CD276: variants seen among roughly 807,000 people sequenced by gnomAD.
CD276 encodes CD276 antigen.
In CD276, 34 loss-of-function variants were observed where a neutral mutation model predicts 50.0. That is an observed-to-expected ratio of 0.68 (90% CI 0.52 to 0.91). The LOEUF is 0.91. Among genes scored for constraint, CD276 ranks in the 40% least tolerant of loss-of-function variants. The pLI, the probability that CD276 is intolerant of heterozygous loss-of-function variation, is 0.00. For synonymous variants in CD276, 275 were observed against 313.0 expected (o/e 0.88, Z 1.28); for missense variants, 634 against 717.5 (o/e 0.88, Z 1.33).
intron 8 of CD276, 45 bp downstream of exon 8, chr15:73,709,734 A>G (rs1434242073): frequency 6.3e-7 from 1 of 1,588,956 alleles, no homozygotes; most frequent in South Asian, 1.1e-5. Context: ...GGAGAGGGAC[A>G]TATGGGAAAG....
chr15:73,685,873 T>C (rs1346365703), intron 1 of CD276, among the ~76,000 whole-genome samples: 1 of 152,118 alleles, frequency 6.6e-6, no homozygotes, highest in Non-Finnish European at 1.5e-5. Context: ...CAGGGCAGGA[T>C]GGAGGGCTAT....
At chr15:73,691,268 A>G (rs1270695912) in intron 1 of CD276, among the ~76,000 whole-genome samples, 5 of 151,862 alleles carry the variant, frequency 3.3e-5, no homozygotes, top group Admixed American at 6.6e-5. Flanking sequence ...TAGGCAGTCT[A>G]TGTGTGCAGC....
At position 73,708,328 on chromosome 15, in the gene CD276, T is replaced by C. The variant is rs1359495627; in HGVS notation, c.1370-11T>C. 3.7e-6 allele frequency: 6 copies of C among 1,613,392 alleles called. No individual in the cohort carries two copies. The highest frequency in any genetic ancestry group is 1.3e-5 in the African/African-American group (1 of 75,022). On this transcript the variant is annotated splice_polypyrimidine_tract_variant and intron_variant, in intron 6 of 9. Transcript: ENST00000318443. ...GCATGACAGTCTCACTGTTGCTACT[T>C]TTCCTCTCAGGGCAGCCTATGACAT...
chr15:73,700,169 G>T (rs546216848), intron 2 of CD276, among the ~76,000 whole-genome samples: 7 of 151,952 alleles, frequency 4.6e-5, no homozygotes, highest in African/African-American at 1.4e-4. Context: ...GCCTAGATTC[G>T]CCCCCACCTG....
At chr15:73,711,054 C>CA in intron 8 of CD276, 81 bp from the exon 9 acceptor site, 2 of 1,464,864 alleles carry the variant, frequency 1.4e-6, no homozygotes, top group Non-Finnish European at 1.9e-6. Context: ...TTCCAGCCCT[C>CA]ACTCCTCCCT....
chr15:73,689,988 G>T (rs1044804857), intron 1 of CD276, among the ~76,000 whole-genome samples: 2 of 152,166 alleles, frequency 1.3e-5, no homozygotes, highest in African/African-American at 4.8e-5. Flanking sequence ...AATTGCAAAA[G>T]AATTTACATG....
chr15:73,709,639 C>T lies in CD276; in HGVS notation c.1505-9C>T. 6.2e-7 allele frequency: 1 copy of T among 1,612,696 alleles called. No homozygotes were observed. The highest frequency in any genetic ancestry group is 2.2e-5 in the East Asian group (1 of 44,832). On this transcript the variant is annotated splice_polypyrimidine_tract_variant and intron_variant, in intron 7 of 9. Coordinates refer to ENST00000318443, the MANE Select transcript of CD276 (RefSeq NM_001024736.2). Reference sequence around the variant, plus strand: ...GATTTTTGTTTATTCTGAGTTCTTGCCTTTGCAGGAGCTGAGGACCAGGAT... The same window carrying T: ...GATTTTTGTTTATTCTGAGTTCTTGTCTTTGCAGGAGCTGAGGACCAGGAT...
rs1408368017 is a variant in CD276, at chr15:73,702,920, C to T, written c.567C>T (p.Asn189=). Residue 189 remains asparagine, a synonymous_variant, in exon 4 of 10, where the codon AAC becomes AAT. Coordinates refer to ENST00000318443, the MANE Select transcript of CD276 (RefSeq NM_001024736.2). ...GGCAGGGTGTGCCCCTGACTGGCAA[C>T]GTGACCACGTCGCAGATGGCCAACG... is the stretch of plus-strand genomic sequence containing the variant. ...QDGQGVPLTG[N]VTTSQMANEQ... is the part of the protein sequence containing the mutation. 2.7e-5 allele frequency: 44 copies of T among 1,613,992 alleles called. No individual in the cohort carries two copies. Among genetic ancestry groups the T allele is most frequent in the South Asian group, 5.5e-5 (5 of 91,092 alleles).
chr15:73,691,255 A>G (rs1899977593), intron 1 of CD276, among the ~76,000 whole-genome samples: 2 of 152,014 alleles, frequency 1.3e-5, no homozygotes, highest in African/African-American at 4.8e-5. Flanking sequence ...TTGTTTAAGT[A>G]CCTAGGCAGT....
chr15:73,703,237 T>G (rs1334032963), intron 4 of CD276, 151 bp downstream of exon 4: 3 of 1,005,928 alleles, frequency 3.0e-6, no homozygotes, highest in African/African-American at 3.2e-5. Flanking sequence ...GGTGGGGATG[T>G]TCACTGGAGG....
intron 1 of CD276, among the ~76,000 whole-genome samples, chr15:73,685,969 G>T (rs1021526919): frequency 6.6e-6 from 1 of 152,128 alleles, no homozygotes; most frequent in African/African-American, 2.4e-5. Flanking sequence ...TTGAGATTAA[G>T]CACTAACACT....
At chr15:73,689,635 T>C (rs1899913035) in intron 1 of CD276, among the ~76,000 whole-genome samples, 1 of 152,214 alleles carries the variant, frequency 6.6e-6, no homozygotes, top group Non-Finnish European at 1.5e-5. Flanking sequence ...GTAAGGTTTA[T>C]AATCCCCATT....
chr15:73,695,671 A>G (rs562019932), intron 1 of CD276, among the ~76,000 whole-genome samples: 5 of 152,342 alleles, frequency 3.3e-5, no homozygotes, highest in African/African-American at 9.6e-5. Context: ...GTTGCAGACA[A>G]TAGAAACTTA....
At position 73,713,264 on chromosome 15, in the gene CD276, A is replaced by T. The variant is rs1196602729; in HGVS notation, c.*308A>T. On this transcript the variant is annotated 3_prime_UTR_variant, in exon 10 of 10. Transcript: ENST00000318443. Reference sequence around the variant, plus strand: ...CATTTCTTAGGGACACAGTACACTGACCACATCACCACCCTCTTCTTCCAG... The same window carrying T: ...CATTTCTTAGGGACACAGTACACTGTCCACATCACCACCCTCTTCTTCCAG... The T allele has an allele frequency of 7.9e-6, 3 of 377,652 alleles. No homozygotes were observed. Among genetic ancestry groups the T allele is most frequent in the Non-Finnish European group, 1.4e-5 (3 of 210,758 alleles). 23.4% of individuals were successfully genotyped at this position (377,652 alleles called of 1,614,324 possible).
chr15:73,692,355 T>G (rs1366696608), intron 1 of CD276, among the ~76,000 whole-genome samples: 2 of 152,248 alleles, frequency 1.3e-5, no homozygotes, highest in Non-Finnish European at 2.9e-5. Flanking sequence ...CCTAAACCTT[T>G]TTTCTATTTT....
At chr15:73,690,112 A>G (rs1596002702) in intron 1 of CD276, among the ~76,000 whole-genome samples, 1 of 152,366 alleles carries the variant, frequency 6.6e-6, no homozygotes, top group Middle Eastern at 3.4e-3. Flanking sequence ...CTTTCCCCAT[A>G]TACAAACATC....
intron 2 of CD276, among the ~76,000 whole-genome samples, chr15:73,701,374 G>A (rs747564448): frequency 3.9e-5 from 6 of 152,164 alleles, no homozygotes. Context: ...TGAGTTTTAA[G>A]CATTGCTACT....
At position 73,704,508 on chromosome 15, in the gene CD276, G is replaced by A. The variant is rs374423443; in HGVS notation, c.1369+36G>A. 2.1e-5 allele frequency: 34 copies of A among 1,586,128 alleles called. No individual in the cohort carries two copies. The highest frequency in any genetic ancestry group is 4.6e-5 in the East Asian group (2 of 43,706). On this transcript the variant is annotated intron_variant, in intron 6 of 9. Transcript: ENST00000318443. The surrounding 1 kb of genome is among the most constrained non-coding windows in gnomAD (Gnocchi z 4.1). ...ATGAACAGCTGGGGAAGGACGGAGC[G>A]AGTAACTCCCTCTTTACTGGACCCT...
At position 73,704,697 on chromosome 15, in the gene CD276, T is replaced by G. The variant is rs958845242; in HGVS notation, c.1369+225T>G. 6.6e-6 allele frequency among the ~76,000 whole-genome samples: 1 copy of G among 152,214 alleles called. No homozygotes were observed. The highest frequency in any genetic ancestry group is 2.4e-5 in the African/African-American group (1 of 41,458). ...AGAGTGCTTTTCGTGGCACTTATGC[T>G]TCTTATGCAGAGGACAAGGTACCTG... is the stretch of plus-strand genomic sequence containing the variant. On this transcript the variant is annotated intron_variant, in intron 6 of 9. Coordinates refer to ENST00000318443, the MANE Select transcript of CD276 (RefSeq NM_001024736.2). The surrounding 1 kb of genome is among the most constrained non-coding windows in gnomAD (Gnocchi z 4.1).
Sources: gnomAD v4.1 joint callset for allele counts (sites outside exome capture counted in the v4.1 genomes callset) on GRCh38, gnomAD v4.1.1 for gene constraint, Gnocchi (gnomAD v3.1) non-coding constraint, MANE v1.5 for transcripts, NCBI Gene and HGNC (gene_info 2026-07-23, HGNC 2026-07-21) for gene names.